GLT8D2: variants seen among roughly 807,000 people sequenced by gnomAD.
The protein encoded by GLT8D2 is glycosyltransferase 8 domain-containing protein 2.
GLT8D2 carries 45 observed loss-of-function variants against 44.5 expected under a neutral mutation model. The ratio of observed to expected loss-of-function variants is 1.01; its 90% CI spans 0.80 to 1.30. The LOEUF (loss-of-function observed/expected upper bound fraction) is 1.30, where lower values mean the gene tolerates loss of function less well. GLT8D2 is among the 50% of genes most tolerant of loss of function. The pLI is 0.00. For missense variants in GLT8D2, 400 were observed against 430.4 expected (o/e 0.93, Z 0.62); for synonymous variants, 156 against 157.2 (o/e 0.99, Z 0.06).
intron 10 of GLT8D2, among the ~76,000 whole-genome samples, chr12:103,993,049 C>A (rs1035841317): frequency 6.6e-6 from 1 of 152,082 alleles, no homozygotes. Flanking sequence ...TGCACATTTG[C>A]GGCCGGGCAT....
At chr12:104,020,604 T>C (rs1379314320) in intron 2 of GLT8D2, among the ~76,000 whole-genome samples, 2 of 152,140 alleles carry the variant, frequency 1.3e-5, no homozygotes, top group Non-Finnish European at 1.5e-5. Context: ...TAGATTATGG[T>C]AAGTGCTATG....
At chr12:104,011,685 T>C (rs867578798) in intron 4 of GLT8D2, among the ~76,000 whole-genome samples, 6 of 152,148 alleles carry the variant, frequency 3.9e-5, no homozygotes, top group Non-Finnish European at 7.4e-5. Context: ...AATTAATGTT[T>C]TTCAAATTAT....
chr12:104,017,482 C>T (rs1331341723), intron 3 of GLT8D2, among the ~76,000 whole-genome samples: 2 of 152,110 alleles, frequency 1.3e-5, no homozygotes, highest in Admixed American at 6.5e-5. Flanking sequence ...ACCACCATGC[C>T]TGGCTAATTT....
intron 2 of GLT8D2, among the ~76,000 whole-genome samples, chr12:104,020,351 A>C (rs532030177): frequency 6.4e-4 from 97 of 152,250 alleles, no homozygotes; most frequent in Non-Finnish European, 1.1e-3. Context: ...CCATCTTTCT[A>C]CTATCATAAC....
At chr12:104,059,459 G>A (rs1202418763) in intron 1 of GLT8D2, among the ~76,000 whole-genome samples, 2 of 152,166 alleles carry the variant, frequency 1.3e-5, no homozygotes, top group Non-Finnish European at 2.9e-5. Context: ...ATTCCAGACA[G>A]CAGGAAAGAG....
chr12:104,038,037 CA>C (rs1468306776), intron 1 of GLT8D2, among the ~76,000 whole-genome samples: 2 of 152,156 alleles, frequency 1.3e-5, no homozygotes, highest in Non-Finnish European at 2.9e-5. Context: ...GAACCAACAA[CA>C]AAAACCACAT....
upstream of GLT8D2, among the ~76,000 whole-genome samples, chr12:104,051,090 A>G (rs921761420): frequency 4.6e-5 from 7 of 151,280 alleles, no homozygotes; most frequent in Non-Finnish European, 1.0e-4. Flanking sequence ...CTGGGATTAC[A>G]GGCGTGAGCC....
At chr12:104,005,989 T>C (rs1874948758) in intron 4 of GLT8D2, among the ~76,000 whole-genome samples, 1 of 152,096 alleles carries the variant, frequency 6.6e-6, no homozygotes, top group Admixed American at 6.6e-5. Flanking sequence ...AACCCAAATG[T>C]CCATCAATGA....
intron 3 of GLT8D2, among the ~76,000 whole-genome samples, chr12:104,017,210 T>G (rs1446565867): frequency 6.6e-6 from 1 of 152,206 alleles, no homozygotes; most frequent in Non-Finnish European, 1.5e-5. Context: ...TGTATATGTG[T>G]TTAAAGCTAC....
rs1566202295 is a variant in GLT8D2 at position 104,021,918 on chromosome 12, GAAGAAGAAGAAGAA to G, written c.-163-441_-163-428del. ...AGAAGAAGAAGAAGAAGAAGAAGAA[GAAGAAGAAGAAGAA>G]GAAGAAGAAGAAGAAGAAGAAGAGG... On this transcript the variant is annotated intron_variant, in intron 1 of 10. Transcript: ENST00000360814. Among the ~76,000 whole-genome samples, 59 of 23,024 alleles carry G rather than the reference GAAGAAGAAGAAGAA, an allele frequency of 2.6e-3. 2 individuals are homozygous for G. In the East Asian group the frequency reaches 0.027, roughly 11 times the overall value. 15.1% of individuals were successfully genotyped at this position (23,024 alleles called of 152,430 possible). A position where few individuals can be genotyped will look rare whatever the true frequency, so the allele number is the denominator to read the frequency against.
chr12:104,001,691 TTTATTTTTTATTTA>T (rs1322399882), intron 5 of GLT8D2, among the ~76,000 whole-genome samples: 1 of 152,094 alleles, frequency 6.6e-6, no homozygotes. Context: ...ACTTTATTTA[TTTATTTTTTATTTA>T]TTATTTTTTA....
Position 104,022,044 on chromosome 12 carries a change from G to GGGA in GLT8D2, c.-163-554_-163-553insTCC, listed in dbSNP as rs1877943326. On this transcript the variant is annotated intron_variant, in intron 1 of 10. Transcript: ENST00000360814. ...AGAAAAAGAAGAAGAAGAAGAAGAA[G>GGGA]AAGAAGAAGAAGGGAAAGAAAGAAA... 5.1e-5 allele frequency among the ~76,000 whole-genome samples: 5 copies of GGGA among 98,288 alleles called. 1 individual carries two copies. The highest frequency in any genetic ancestry group is 2.5e-4 in the African/African-American group (5 of 20,350). 64.5% of individuals were successfully genotyped at this position (98,288 alleles called of 152,430 possible). A position where few individuals can be genotyped will look rare whatever the true frequency, so the allele number is the denominator to read the frequency against.
At chr12:104,003,515 CT>C (rs1874533725) in intron 4 of GLT8D2, among the ~76,000 whole-genome samples, 1 of 152,014 alleles carries the variant, frequency 6.6e-6, no homozygotes, top group South Asian at 2.1e-4. Flanking sequence ...ATTTTACCAA[CT>C]CCCGTGCAGC....
intron 1 of GLT8D2, among the ~76,000 whole-genome samples, chr12:104,061,101 A>G (rs577318157): frequency 2.6e-4 from 40 of 152,318 alleles, no homozygotes; most frequent in African/African-American, 9.6e-4. Flanking sequence ...TGCAGGGATC[A>G]CAGCCCTACT....
At chr12:104,030,652 A>G (rs1879131850) in intron 1 of GLT8D2, 12 of 1,391,638 alleles carry the variant, frequency 8.6e-6, no homozygotes, top group Middle Eastern at 2.5e-4. Context: ...ATAAGAAGTT[A>G]ATATCCAAAA....
chr12:104,041,557 C>A (rs986285690), intron 1 of GLT8D2, among the ~76,000 whole-genome samples: 1 of 152,164 alleles, frequency 6.6e-6, no homozygotes. Context: ...GCCTGGGTGA[C>A]AAAGCAAGGC....
intron 1 of GLT8D2, among the ~76,000 whole-genome samples, chr12:104,034,286 G>T (rs932120832): frequency 1.3e-5 from 2 of 152,234 alleles, no homozygotes; most frequent in African/African-American, 4.8e-5. Flanking sequence ...CATTGGGACT[G>T]GTTGGACAGT....
chr12:104,008,392 G>A (rs1875368736), intron 4 of GLT8D2, among the ~76,000 whole-genome samples: 1 of 152,148 alleles, frequency 6.6e-6, no homozygotes, highest in South Asian at 2.1e-4. Flanking sequence ...GGGATTTGTG[G>A]AACTTTGAAC....
Position 104,031,056 on chromosome 12 carries a change from G to C in GLT8D2, c.-163-9565C>G, listed in dbSNP as rs1879191754. On this transcript the variant is annotated intron_variant, in intron 1 of 10. Transcript: ENST00000360814. ...TGGCGCCTCAATGAGCGGCACTATG[G>C]GGGTCTAACCGGTCTCAATAAAGCA... 1.2e-4 allele frequency: 117 copies of C among 976,430 alleles called. 1 individual carries two copies. In the South Asian group the frequency reaches 1.7e-3, roughly 14 times the overall value. The allele number at this position is 976,430 out of a possible 1,614,324, so 60.5% of individuals were successfully genotyped here.
Sources: gnomAD v4.1 joint callset for allele counts (sites outside exome capture counted in the v4.1 genomes callset) on GRCh38, gnomAD v4.1.1 for gene constraint, MANE v1.5 for transcripts, NCBI Gene and HGNC (gene_info 2026-07-23, HGNC 2026-07-21) for gene names.